CIRBP: variants seen among roughly 807,000 people sequenced by gnomAD.
CIRBP encodes the protein cold-inducible RNA-binding protein.
In CIRBP, 11 loss-of-function variants were observed where a neutral mutation model predicts 22.3. The observed-to-expected ratio is 0.49, with a 90% confidence interval of 0.31 to 0.82. The LOEUF (loss-of-function observed/expected upper bound fraction) is 0.82, where lower values mean the gene tolerates loss of function less well. Ranked by LOEUF, CIRBP falls within the 40% of genes least tolerant of loss-of-function variation. CIRBP has a pLI of 0.05. For synonymous variants in CIRBP, 216 were observed against 158.8 expected (o/e 1.36, Z -2.71); for missense variants, 456 against 402.7 (o/e 1.13, Z -1.13).
chr19:1,269,689 C>CGGAT, intron 1 of CIRBP: 1 of 318,594 alleles, frequency 3.1e-6, no homozygotes, highest in South Asian at 2.4e-5. Flanking sequence ...GCCGAGTTCC[C>CGGAT]GGATGGAGTG....
intron 5 of CIRBP, 73 bp downstream of exon 5, chr19:1,271,705 T>C: frequency 1.0e-6 from 1 of 1,001,644 alleles, no homozygotes; most frequent in Non-Finnish European, 1.5e-6. Flanking sequence ...CCCAGGTCCC[T>C]GGGGGAGCTG....
rs577759845 is a variant in CIRBP, at chr19:1,274,460, G to A, written c.*2017G>A. ...TCCCCTGTAAGTGCTTTCGGGAAGA[G>A]TGGCATGTGGCGCTGAGCCCTGTCC... On this transcript the variant is annotated 3_prime_UTR_variant, in exon 6 of 6. Coordinates refer to ENST00000587896, the MANE Select transcript of CIRBP (RefSeq NM_001300829.2). The A allele has an allele frequency of 1.3e-5, 5 of 395,674 alleles. No homozygotes were observed. Among genetic ancestry groups the A allele is most frequent in the Admixed American group, 4.4e-5 (1 of 22,556 alleles). The allele number at this position is 395,674 out of a possible 1,614,324, so 24.5% of individuals were successfully genotyped here.
rs780376507 is a variant in CIRBP at position 1,271,572 on chromosome 19, G to C, written c.371G>C (p.Gly124Ala). 3 of 1,581,134 alleles carry C rather than the reference G, an allele frequency of 1.9e-6. No individual in the cohort carries two copies. Among genetic ancestry groups the C allele is most frequent in the East Asian group, 2.2e-5 (1 of 44,742 alleles). The change falls in exon 5 of 6, where the codon GGG becomes GCG. Residue 124 changes from glycine to alanine, a missense_variant. Physicochemically the swap from Gly to Ala is moderately conservative, Grantham distance 60. Coordinates refer to ENST00000587896, the MANE Select transcript of CIRBP (RefSeq NM_001300829.2). Reference protein sequence around the residue: ...FSRGGGDRGYGGNRFESRSGG... With the variant: ...FSRGGGDRGYAGNRFESRSGG... ...GCAGGAGGAGGGGACCGAGGCTATGGGGGGAACCGGTTCGAGTCCAGGAGT... is the reference window on the plus strand; with the variant it reads ...GCAGGAGGAGGGGACCGAGGCTATGCGGGGAACCGGTTCGAGTCCAGGAGT...
At position 1,271,570 on chromosome 19, in the gene CIRBP, T is replaced by C. The variant is rs758593300; in HGVS notation, c.369T>C (p.Tyr123=). ...GTGCAGGAGGAGGGGACCGAGGCTATGGGGGGAACCGGTTCGAGTCCAGGA... is the reference window on the plus strand; with the variant it reads ...GTGCAGGAGGAGGGGACCGAGGCTACGGGGGGAACCGGTTCGAGTCCAGGA... The part of the protein sequence containing the change: ...GFSRGGGDRG[Y]GGNRFESRSG... Residue 123 remains tyrosine, a synonymous_variant, in exon 5 of 6, where the codon TAT becomes TAC. Transcript: ENST00000587896. 4 of 1,562,534 alleles carry C rather than the reference T, an allele frequency of 2.6e-6. No homozygotes were observed. The highest frequency in any genetic ancestry group is 3.8e-5 in the Admixed American group (2 of 52,710).
chr19:1,272,162 G>C lies in CIRBP; in HGVS notation c.613G>C (p.Ala205Pro). Residue 205 changes from alanine (A) to proline (P), a missense_variant, in exon 6 of 6, where the codon GCT (alanine) becomes CCT (proline). Around this residue, in one of 2 missense-constraint regions of CIRBP, gnomAD observed 426 missense variants for 339.6 expected, o/e 1.25. Transcript: ENST00000587896. ...CTGGACACTCAGACCTTGTCACTGT[G>C]CTTGCCCAGAAGAGGCGCATCTGTC... is the stretch of plus-strand genomic sequence containing the variant. The part of the protein sequence containing the change: ...LGWTLRPCHC[A>P]CPEEAHLSSQ... 3 of 1,608,234 alleles carry C rather than the reference G, an allele frequency of 1.9e-6. No homozygotes were observed. Among genetic ancestry groups the C allele is most frequent in the Middle Eastern group, 1.6e-4 (1 of 6,062 alleles).
At position 1,274,263 on chromosome 19, in the gene CIRBP, G is replaced by C; in HGVS notation, c.*1820G>C. 1 of 401,166 alleles carries C rather than the reference G, an allele frequency of 2.5e-6. No homozygotes were observed. Among genetic ancestry groups the C allele is most frequent in the Non-Finnish European group, 4.4e-6 (1 of 226,284 alleles). The allele number at this position is 401,166 out of a possible 1,614,324, so 24.9% of individuals were successfully genotyped here. A position where few individuals can be genotyped will look rare whatever the true frequency, so the allele number is the denominator to read the frequency against. On this transcript the variant is annotated 3_prime_UTR_variant, in exon 6 of 6. Coordinates refer to ENST00000587896, the MANE Select transcript of CIRBP (RefSeq NM_001300829.2). ...GGGAGGCCGGGAGGGGCAGCTGTGAGCCCTGTGGAGGACGTTGGGAGTAAC... is the reference window on the plus strand; with the variant it reads ...GGGAGGCCGGGAGGGGCAGCTGTGACCCCTGTGGAGGACGTTGGGAGTAAC...
Position 1,269,793 on chromosome 19 carries a change from G to A in CIRBP, c.-7+383G>A, listed in dbSNP as rs775224907. 16 of 506,018 alleles carry A rather than the reference G, an allele frequency of 3.2e-5. No individual in the cohort carries two copies. In the East Asian group the frequency reaches 8.9e-4, roughly 28 times the overall value. 31.3% of individuals were successfully genotyped at this position (506,018 alleles called of 1,614,324 possible). The stretch of plus-strand genomic sequence containing the variant: ...GGGCCGCTTTCCCGGCCTTGGGGCT[G>A]GAGGTATCCACACACCAACGCTTTT... On this transcript the variant is annotated intron_variant, in intron 1 of 5. Transcript: ENST00000587896.
At chr19:1,269,728 A>T in intron 1 of CIRBP, 1 of 365,076 alleles carries the variant, frequency 2.7e-6, no homozygotes, top group Non-Finnish European at 5.4e-6. Context: ...GCGCATGCGC[A>T]CGCGGCGGGG....
At chr19:1,269,812 C>T (rs755486779) in intron 1 of CIRBP, 3 of 516,740 alleles carry the variant, frequency 5.8e-6, no homozygotes, top group African/African-American at 5.8e-5. Context: ...CACACACCAA[C>T]GCTTTTGCTT....
rs1268854009 is a variant in CIRBP at position 1,271,395 on chromosome 19, T to A, written c.277T>A (p.Tyr93Asn). ...GTCGTCAGACAACCGATCCCGTGGGTACCGTGGTGGCTCTGCCGGGGGCCG... is the reference window on the plus strand; with the variant it reads ...GTCGTCAGACAACCGATCCCGTGGGAACCGTGGTGGCTCTGCCGGGGGCCG... ...GKSSDNRSRGYRGGSAGGRGF... is the reference protein window; with the variant it reads ...GKSSDNRSRGNRGGSAGGRGF... Residue 93 changes from tyrosine to asparagine, a missense_variant, in exon 4 of 6, where the codon TAC (tyrosine) becomes AAC (asparagine). Around this residue, in one of 2 missense-constraint regions of CIRBP, gnomAD observed 426 missense variants for 339.6 expected, o/e 1.25. Coordinates refer to ENST00000587896, the MANE Select transcript of CIRBP (RefSeq NM_001300829.2). 6.2e-7 allele frequency: 1 copy of A among 1,613,816 alleles called. No individual in the cohort carries two copies. Among genetic ancestry groups the A allele is most frequent in the South Asian group, 1.1e-5 (1 of 91,074 alleles).
chr19:1,272,565 G>A lies in CIRBP; in HGVS notation c.*122G>A, dbSNP rs982961963. ...GTATTCCCACTTTCGTAGTCATTTC[G>A]GTTCTGATCTTGTCAAACCCAGCCT... On this transcript the variant is annotated 3_prime_UTR_variant, in exon 6 of 6. Coordinates refer to ENST00000587896, the MANE Select transcript of CIRBP (RefSeq NM_001300829.2). The A allele has an allele frequency of 2.3e-5, 21 of 919,750 alleles. No individual in the cohort carries two copies. The highest frequency in any genetic ancestry group is 2.0e-4 in the South Asian group (12 of 59,110). 57.0% of individuals were successfully genotyped at this position (919,750 alleles called of 1,614,324 possible). A position where few individuals can be genotyped will look rare whatever the true frequency, so the allele number is the denominator to read the frequency against.
At position 1,274,244 on chromosome 19, in the gene CIRBP, C is replaced by T; in HGVS notation, c.*1801C>T. ...GGGGCTGTGGCTGTTTCCGGGGAGG[C>T]CGGGAGGGGCAGCTGTGAGCCCTGT... On this transcript the variant is annotated 3_prime_UTR_variant, in exon 6 of 6. Coordinates refer to ENST00000587896, the MANE Select transcript of CIRBP (RefSeq NM_001300829.2). The T allele has an allele frequency of 2.5e-6, 1 of 400,824 alleles. No homozygotes were observed. Among genetic ancestry groups the T allele is most frequent in the East Asian group, 3.6e-5 (1 of 28,072 alleles). 24.8% of individuals were successfully genotyped at this position (400,824 alleles called of 1,614,324 possible).
chr19:1,270,984 C>T lies in CIRBP; in HGVS notation c.51C>T (p.Thr17=), dbSNP rs762799208. ...KLFVGGLSFD[T]NEQSLEQVFS... ...TTGTTGGAGGGCTGAGTTTTGACAC[C>T]AATGAGCAGTCGCTGGAGCAGGTCT... is the stretch of plus-strand genomic sequence containing the variant. Residue 17 remains threonine (T), a synonymous_variant, in exon 2 of 6, where the codon ACC becomes ACT. Transcript: ENST00000587896. The T allele has an allele frequency of 1.2e-6, 2 of 1,614,026 alleles. No homozygotes were observed. The highest frequency in any genetic ancestry group is 1.7e-6 in the Non-Finnish European group (2 of 1,180,006).
intron 2 of CIRBP, 43 bp downstream of exon 2, chr19:1,271,079 G>C (rs1363044724): frequency 1.9e-6 from 3 of 1,610,276 alleles, no homozygotes; most frequent in Non-Finnish European, 2.5e-6. Context: ...GGGGGGGCTT[G>C]TGCTCCTCCT....
chr19:1,272,673 C>G lies in CIRBP; in HGVS notation c.*230C>G. 2.4e-6 allele frequency: 1 copy of G among 414,412 alleles called. No homozygotes were observed. Among genetic ancestry groups the G allele is most frequent in the Admixed American group, 3.9e-5 (1 of 25,458 alleles). The allele number at this position is 414,412 out of a possible 1,614,324, so 25.7% of individuals were successfully genotyped here. ...TGTTTTTTTTTGAGGGTTTTCAAAA[C>G]ATTTTGAAAAGCATTTACTTTTTTG... On this transcript the variant is annotated 3_prime_UTR_variant, in exon 6 of 6. Transcript: ENST00000587896.
At chr19:1,270,138 C>A in intron 1 of CIRBP, 1 of 515,452 alleles carries the variant, frequency 1.9e-6, no homozygotes. Flanking sequence ...CTTCCGGGGC[C>A]ATCCCTTCCC....
chr19:1,272,189 TCTCAGAGCCATTTCTATCG>T lies in CIRBP; in HGVS notation c.642_660del (p.Gln215GlyfsTer54), dbSNP rs2081353673. On this transcript the variant is annotated frameshift_variant, in exon 6 of 6. Coordinates refer to ENST00000587896, the MANE Select transcript of CIRBP (RefSeq NM_001300829.2). LOFTEE classifies it low-confidence loss of function (END_TRUNC). The stretch of plus-strand genomic sequence containing the variant: ...TTGCCCAGAAGAGGCGCATCTGTCC[TCTCAGAGCCATTTCTATCG>T]CAGGACGCAAAAGCCAAATGAGACT... The T allele has an allele frequency of 6.3e-7, 1 of 1,597,710 alleles. No homozygotes were observed.
Position 1,272,569 on chromosome 19 carries a change from C to G in CIRBP, c.*126C>G. On this transcript the variant is annotated 3_prime_UTR_variant, in exon 6 of 6. Transcript: ENST00000587896. ...TCCCACTTTCGTAGTCATTTCGGTTCTGATCTTGTCAAACCCAGCCTGACC... is the reference window on the plus strand; with the variant it reads ...TCCCACTTTCGTAGTCATTTCGGTTGTGATCTTGTCAAACCCAGCCTGACC... 1 of 895,664 alleles carries G rather than the reference C, an allele frequency of 1.1e-6. No individual in the cohort carries two copies. Among genetic ancestry groups the G allele is most frequent in the Non-Finnish European group, 1.7e-6 (1 of 578,946 alleles). The allele number at this position is 895,664 out of a possible 1,614,324, so 55.5% of individuals were successfully genotyped here.
At chr19:1,269,792 T>G (rs1166276839) in intron 1 of CIRBP, 1 of 505,666 alleles carries the variant, frequency 2.0e-6, no homozygotes, top group Non-Finnish European at 4.0e-6. Context: ...GCCTTGGGGC[T>G]GGAGGTATCC....
Sources: allele counts gnomAD v4.1 joint callset, GRCh38; gene constraint gnomAD v4.1.1; regional missense constraint gnomAD v4.1.1; transcripts MANE v1.5; gene names NCBI Gene and HGNC (gene_info 2026-07-23, HGNC 2026-07-21).